Variants in CNTN4 observed in about 807,000 individuals in gnomAD.
The protein encoded by CNTN4 is contactin 4.
Under a neutral mutation model 122.5 loss-of-function variants are expected in CNTN4, and 77 were observed. The observed-to-expected ratio is 0.63, with a 90% CI of 0.52 to 0.76. CNTN4 has a LOEUF of 0.76. CNTN4 is among the 30% of genes least tolerant of loss of function. The pLI is 0.00. For missense variants in CNTN4, 1,256 were observed against 1,259.1 expected, an observed-to-expected ratio of 1.00 and a Z score of 0.04; for synonymous variants, 512 against 447.0, an observed-to-expected ratio of 1.15 and a Z score of -1.83.
At chr3:2,633,147 A>G (rs377007694) in intron 4 of CNTN4, among the ~76,000 whole-genome samples, 26 of 152,260 alleles carry the variant, frequency 1.7e-4, no homozygotes, top group African/African-American at 6.0e-4. Flanking sequence ...TAGTAAAATC[A>G]TCAGCCATTT....
At chr3:2,482,151 G>A (rs2076024115) in intron 3 of CNTN4, among the ~76,000 whole-genome samples, 1 of 152,084 alleles carries the variant, frequency 6.6e-6, no homozygotes, top group African/African-American at 2.4e-5. Flanking sequence ...CTTGTTGAAT[G>A]GTTTTGACCA....
intron 2 of CNTN4, among the ~76,000 whole-genome samples, chr3:2,310,526 T>A (rs529928057): frequency 6.6e-6 from 1 of 152,170 alleles, no homozygotes; most frequent in Non-Finnish European, 1.5e-5. Flanking sequence ...GCCTTCCCAC[T>A]TTTTCACCTC....
intron 13 of CNTN4, among the ~76,000 whole-genome samples, chr3:2,965,985 T>C (rs1278626102): frequency 2.0e-5 from 3 of 152,104 alleles, no homozygotes; most frequent in Admixed American, 2.0e-4. Context: ...ATTTTATCTG[T>C]CTCATATTTA....
intron 3 of CNTN4, among the ~76,000 whole-genome samples, chr3:2,524,217 A>G (rs1431090948): frequency 6.6e-6 from 1 of 152,094 alleles, no homozygotes; most frequent in Non-Finnish European, 1.5e-5. Flanking sequence ...GATGTTTTAT[A>G]TAAATGGAAT....
intron 2 of CNTN4, among the ~76,000 whole-genome samples, chr3:2,109,476 C>G (rs1459439026): frequency 6.6e-6 from 1 of 152,072 alleles, no homozygotes; most frequent in Non-Finnish European, 1.5e-5. Flanking sequence ...TATAAAAATA[C>G]TTTGTAACTT....
intron 2 of CNTN4, among the ~76,000 whole-genome samples, chr3:2,245,022 C>T (rs1685525): frequency 0.37 from 56,360 of 151,402 alleles, 10,615 homozygotes; most frequent in East Asian, 0.48. Context: ...GTCAAATAAA[C>T]GGAGAAATAC....
chr3:2,575,090 T>A (rs1404888036), intron 4 of CNTN4, among the ~76,000 whole-genome samples: 1 of 152,054 alleles, frequency 6.6e-6, no homozygotes, highest in Non-Finnish European at 1.5e-5. Context: ...ACCATAAAGA[T>A]AAACAAACAT....
chr3:2,797,074 C>T (rs1309422879), intron 6 of CNTN4, among the ~76,000 whole-genome samples: 1 of 152,182 alleles, frequency 6.6e-6, no homozygotes, highest in East Asian at 1.9e-4. Flanking sequence ...GATCAAAGCT[C>T]ACTGCAGCCT....
chr3:2,724,224 T>C (rs1356197898), intron 4 of CNTN4, among the ~76,000 whole-genome samples: 1 of 152,266 alleles, frequency 6.6e-6, no homozygotes, highest in South Asian at 2.1e-4. Context: ...CTAGTTTCAG[T>C]CAGTGGGTAA....
At chr3:2,217,631 T>C (rs535214774) in intron 2 of CNTN4, among the ~76,000 whole-genome samples, 1 of 152,194 alleles carries the variant, frequency 6.6e-6, no homozygotes, top group East Asian at 1.9e-4. Flanking sequence ...TGTCTTTGGC[T>C]CAAATATCCA....
At chr3:2,384,424 G>C (rs1005432166) in intron 3 of CNTN4, among the ~76,000 whole-genome samples, 1 of 152,080 alleles carries the variant, frequency 6.6e-6, no homozygotes, top group Admixed American at 6.5e-5. Context: ...AAATCCGCCT[G>C]TTAGATTAAA....
chr3:2,478,419 T>TC (rs1650865925), intron 3 of CNTN4, among the ~76,000 whole-genome samples: 1 of 151,494 alleles, frequency 6.6e-6, no homozygotes, highest in Admixed American at 6.6e-5. Flanking sequence ...TTTTTTTTTT[T>TC]TATTTCCAAC....
intron 3 of CNTN4, among the ~76,000 whole-genome samples, chr3:2,521,663 A>G (rs547106711): frequency 6.6e-6 from 1 of 152,248 alleles, no homozygotes; most frequent in South Asian, 2.1e-4. Context: ...CCGTATAAAA[A>G]GAAAATTGGT....
intron 2 of CNTN4, among the ~76,000 whole-genome samples, chr3:2,171,366 A>G (rs2036502260): frequency 6.6e-6 from 1 of 152,236 alleles, no homozygotes; most frequent in African/African-American, 2.4e-5. Context: ...TCTCATTTTT[A>G]TAATTCCACG....
chr3:2,523,254 A>G (rs894428866), intron 3 of CNTN4, among the ~76,000 whole-genome samples: 1 of 151,178 alleles, frequency 6.6e-6, no homozygotes, highest in Admixed American at 6.6e-5. Flanking sequence ...CTTTTCTAAT[A>G]TATGCATTCT....
At chr3:2,720,400 G>A (rs1191170215) in intron 4 of CNTN4, among the ~76,000 whole-genome samples, 2 of 152,152 alleles carry the variant, frequency 1.3e-5, no homozygotes, top group African/African-American at 4.8e-5. Flanking sequence ...TGAACATTGA[G>A]CATAACTCGT....
intron 2 of CNTN4, among the ~76,000 whole-genome samples, chr3:2,214,100 G>A (rs939098573): frequency 3.3e-5 from 5 of 152,104 alleles, no homozygotes; most frequent in African/African-American, 9.7e-5. Flanking sequence ...CTCCATGATT[G>A]GGAGGAGGGA....
chr3:2,237,389 C>T (rs185569911), intron 2 of CNTN4, among the ~76,000 whole-genome samples: 1 of 152,036 alleles, frequency 6.6e-6, no homozygotes, highest in African/African-American at 2.4e-5. Context: ...GCAGTAGGAT[C>T]GCTTGAGGCC....
At chr3:2,826,333 T>G (rs1047372372) in intron 7 of CNTN4, among the ~76,000 whole-genome samples, 3 of 152,154 alleles carry the variant, frequency 2.0e-5, no homozygotes, top group African/African-American at 7.2e-5. Flanking sequence ...CAAAATCAAG[T>G]AGGACTTATC....
Sources: gnomAD v4.1 joint callset for allele counts (sites outside exome capture counted in the v4.1 genomes callset) on GRCh38, gnomAD v4.1.1 for gene constraint, MANE v1.5 for transcripts, NCBI Gene and HGNC (gene_info 2026-07-23, HGNC 2026-07-21) for gene names.